Variants in PRR16 observed in about 807,000 individuals in gnomAD.
The protein encoded by PRR16 is proline rich 16.
A neutral mutation model predicts 18.2 loss-of-function variants in PRR16; 6 were observed. The ratio of observed to expected loss-of-function variants is 0.33; its 90% CI spans 0.18 to 0.65. The LOEUF (loss-of-function observed/expected upper bound fraction) is 0.65, where lower values mean the gene tolerates loss of function less well. Ranked by LOEUF, PRR16 falls within the 30% of genes least tolerant of loss-of-function variation. The pLI is 0.74. For synonymous variants in PRR16, 151 were observed against 147.8 expected, an observed-to-expected ratio of 1.02 and a Z score of -0.16; for missense variants, 412 against 376.6, an observed-to-expected ratio of 1.09 and a Z score of -0.78.
At chr5:120,601,935 G>A (rs1284174101) in intron 1 of PRR16, among the ~76,000 whole-genome samples, 1 of 151,840 alleles carries the variant, frequency 6.6e-6, no homozygotes, top group Non-Finnish European at 1.5e-5. Context: ...GTTTGTTTTT[G>A]CACCTGTACC....
In PRR16 at chr5:120,569,151, G is replaced by C. The variant is rs562056290; in HGVS notation, c.159+104506G>C. 7.2e-5 allele frequency among the ~76,000 whole-genome samples: 11 copies of C among 152,086 alleles called. No individual in the cohort carries two copies. In the South Asian group the frequency reaches 2.3e-3, roughly 32 times the overall value. On this transcript the variant is annotated intron_variant, in intron 1 of 1. Coordinates refer to ENST00000407149, the MANE Select transcript of PRR16 (RefSeq NM_001300783.2). ...AATGCTTGTAAACATTTTGTCAGAT[G>C]TGCCAAGTTTTTCTGCTGTATACTC...
At chr5:120,537,626 G>C (rs1447366407) in intron 1 of PRR16, among the ~76,000 whole-genome samples, 1 of 142,594 alleles carries the variant, frequency 7.0e-6, no homozygotes, top group African/African-American at 2.6e-5. Flanking sequence ...CAAGATTACA[G>C]AATTACCTTG....
At chr5:120,694,024 C>T in the PRR16 span, among the ~76,000 whole-genome samples, 1 of 152,156 alleles carries the variant, frequency 6.6e-6, no homozygotes, top group African/African-American at 2.4e-5. Flanking sequence ...ACAATTTCGC[C>T]TGTATTCCTC....
chr5:120,607,329 C>G (rs187610212), intron 1 of PRR16, among the ~76,000 whole-genome samples: 40 of 152,180 alleles, frequency 2.6e-4, no homozygotes, highest in Middle Eastern at 3.4e-3. Context: ...GTTTCACATT[C>G]AATGATATGA....
chr5:120,767,261 A>T, the PRR16 span, among the ~76,000 whole-genome samples: 1 of 151,980 alleles, frequency 6.6e-6, no homozygotes, highest in African/African-American at 2.4e-5. Context: ...CTCAGTCCAG[A>T]TTGCAGGATT....
chr5:120,525,586 C>A (rs997791385), intron 1 of PRR16, among the ~76,000 whole-genome samples: 1 of 150,394 alleles, frequency 6.6e-6, no homozygotes, highest in Non-Finnish European at 1.5e-5. Context: ...ACATGTATTT[C>A]CTTTAGTAGC....
At position 120,484,849 on chromosome 5, in the gene PRR16, G is replaced by T. The variant is rs529261354; in HGVS notation, c.159+20204G>T. ...AGATGATGGAATAATTAGGAAGTTGGTGTCTATTCTTGTAAGGAGCTGTTT... is the reference window on the plus strand; with the variant it reads ...AGATGATGGAATAATTAGGAAGTTGTTGTCTATTCTTGTAAGGAGCTGTTT... On this transcript the variant is annotated intron_variant, in intron 1 of 1. Transcript: ENST00000407149. Among the ~76,000 whole-genome samples the T allele has an allele frequency of 3.2e-4, 49 of 150,826 alleles. 2 individuals are homozygous for T. The Middle Eastern group carries it at 0.011, about 35-fold the overall frequency.
chr5:120,754,490 GTATGTATTTTATTATGTATAT>G, the PRR16 span, among the ~76,000 whole-genome samples: 12 of 63,738 alleles, frequency 1.9e-4, no homozygotes, highest in African/African-American at 6.9e-4. Flanking sequence ...ATAATATATA[GTATGTATTTTATTATGTATAT>G]TATATATTAT....
chr5:120,646,660 G>T (rs1206570880), intron 1 of PRR16, among the ~76,000 whole-genome samples: 1 of 151,968 alleles, frequency 6.6e-6, no homozygotes, highest in Non-Finnish European at 1.5e-5. Context: ...TGATATGTTA[G>T]ATATATTATA....
chr5:120,705,983 AT>A, the PRR16 span, among the ~76,000 whole-genome samples: 1 of 152,186 alleles, frequency 6.6e-6, no homozygotes, highest in Non-Finnish European at 1.5e-5. Context: ...AAAAATTCAC[AT>A]TGTATCTTTC....
chr5:120,625,408 C>A (rs892355333), intron 1 of PRR16, among the ~76,000 whole-genome samples: 3 of 152,136 alleles, frequency 2.0e-5, no homozygotes, highest in African/African-American at 7.2e-5. Flanking sequence ...CAACTCAATG[C>A]AGACTGCAAC....
At chr5:120,635,295 C>A (rs1755190467) in intron 1 of PRR16, among the ~76,000 whole-genome samples, 1 of 151,992 alleles carries the variant, frequency 6.6e-6, no homozygotes, top group Non-Finnish European at 1.5e-5. Context: ...ATACCAAAAC[C>A]AGGAAAGAAC....
intron 1 of PRR16, among the ~76,000 whole-genome samples, chr5:120,590,557 T>G (rs1042611345): frequency 4.6e-5 from 7 of 152,154 alleles, no homozygotes; most frequent in Admixed American, 3.3e-4. Context: ...CTTGAGAATT[T>G]AAATTATAGC....
At chr5:120,466,398 G>T (rs1170029300) in intron 1 of PRR16, among the ~76,000 whole-genome samples, 1 of 152,164 alleles carries the variant, frequency 6.6e-6, no homozygotes, top group East Asian at 1.9e-4. Context: ...GCACAGAAAC[G>T]TATTTACTGT....
chr5:120,474,187 G>T (rs1749361566), intron 1 of PRR16, among the ~76,000 whole-genome samples: 1 of 152,136 alleles, frequency 6.6e-6, no homozygotes, highest in South Asian at 2.1e-4. Flanking sequence ...TTCTGAGCAG[G>T]GAGGTGACTA....
the PRR16 span, among the ~76,000 whole-genome samples, chr5:120,716,141 C>A: frequency 6.6e-6 from 1 of 152,240 alleles, no homozygotes; most frequent in African/African-American, 2.4e-5. Context: ...ATCATTTTCT[C>A]CCACATCTTT....
chr5:120,680,627 G>C (rs1027931977), intron 1 of PRR16, among the ~76,000 whole-genome samples: 4 of 152,118 alleles, frequency 2.6e-5, no homozygotes, highest in African/African-American at 9.7e-5. Context: ...TTCTTTAAAA[G>C]TTGTCTGAAC....
intron 1 of PRR16, among the ~76,000 whole-genome samples, chr5:120,558,434 C>T (rs1752481574): frequency 1.3e-5 from 2 of 151,822 alleles, no homozygotes; most frequent in East Asian, 3.9e-4. Context: ...TTTCATTTAG[C>T]AAAATGACTT....
At chr5:120,538,442 G>A (rs1050463056) in intron 1 of PRR16, among the ~76,000 whole-genome samples, 2 of 152,110 alleles carry the variant, frequency 1.3e-5, no homozygotes, top group African/African-American at 4.8e-5. Flanking sequence ...AACCTCAACT[G>A]CAAAATTTTG....
Sources: allele counts gnomAD v4.1 joint callset (sites outside exome capture counted in the v4.1 genomes callset), GRCh38; gene constraint gnomAD v4.1.1; transcripts MANE v1.5; gene names NCBI Gene and HGNC (gene_info 2026-07-23, HGNC 2026-07-21).